Variants in PPFIA2 observed in about 807,000 individuals in gnomAD.
PPFIA2 encodes the protein PPFI scaffold protein A2.
Under a neutral mutation model 175.5 loss-of-function variants are expected in PPFIA2, and 46 were observed. The ratio of observed to expected loss-of-function variants is 0.26; its 90% CI spans 0.21 to 0.34. The LOEUF is 0.34. Among genes scored for constraint, PPFIA2 ranks in the 10% least tolerant of loss-of-function variants. PPFIA2 has a pLI of 1.00. For missense variants in PPFIA2, 1,179 were observed against 1,506.1 expected, an observed-to-expected ratio of 0.78 and a Z score of 3.60; for synonymous variants, 568 against 511.4, an observed-to-expected ratio of 1.11 and a Z score of -1.49.
chr12:81,459,111 A>G lies in PPFIA2; in HGVS notation c.304-1245T>C, dbSNP rs563989533. On this transcript the variant is annotated intron_variant, in intron 4 of 32. Transcript: ENST00000549396. ...TTCAGCCCAAGTGAGTACTTCAAAG[A>G]TCTCAGAGTAGGCTTCAGGGCTTAG... Among the ~76,000 whole-genome samples, 6 of 152,286 alleles carry G rather than the reference A, an allele frequency of 3.9e-5. No individual in the cohort carries two copies. The South Asian group carries it at 1.2e-3, about 32-fold the overall frequency.
At chr12:81,725,500 GAAGGAAACCA>G in intron 3 of PPFIA2, among the ~76,000 whole-genome samples, 1 of 150,800 alleles carries the variant, frequency 6.6e-6, no homozygotes, top group South Asian at 2.1e-4. Flanking sequence ...GAACCTATTA[GAAGGAAACCA>G]AAGAGTTCTC....
chr12:81,448,049 C>T (rs1189791294), intron 5 of PPFIA2, among the ~76,000 whole-genome samples: 2 of 151,788 alleles, frequency 1.3e-5, no homozygotes, highest in African/African-American at 4.8e-5. Context: ...ATAATATAGT[C>T]GTTCAATAAA....
intron 4 of PPFIA2, among the ~76,000 whole-genome samples, chr12:81,560,948 C>A (rs548748850): frequency 6.6e-6 from 1 of 152,172 alleles, no homozygotes; most frequent in African/African-American, 2.4e-5. Flanking sequence ...ACCTTTTATG[C>A]AAAAGACTTT....
At chr12:81,421,220 G>GT (rs1314998051) in intron 7 of PPFIA2, among the ~76,000 whole-genome samples, 1 of 152,086 alleles carries the variant, frequency 6.6e-6, no homozygotes, top group African/African-American at 2.4e-5. Flanking sequence ...ATGAAAGCAT[G>GT]TAAGAGTATA....
intron 3 of PPFIA2, among the ~76,000 whole-genome samples, chr12:81,686,463 C>T (rs1010698151): frequency 6.6e-6 from 1 of 152,052 alleles, no homozygotes; most frequent in Admixed American, 6.6e-5. Flanking sequence ...TTTTCCACTT[C>T]ATAAATTTTG....
At chr12:81,582,870 T>A (rs2074623093) in intron 4 of PPFIA2, among the ~76,000 whole-genome samples, 1 of 151,896 alleles carries the variant, frequency 6.6e-6, no homozygotes. Flanking sequence ...GTCTGTAACA[T>A]GGTACTATAA....
At chr12:81,346,073 A>G (rs899838573) in intron 18 of PPFIA2, among the ~76,000 whole-genome samples, 1 of 152,018 alleles carries the variant, frequency 6.6e-6, no homozygotes, top group African/African-American at 2.4e-5. Context: ...AAAATTCACA[A>G]TTTTTCTTTT....
At chr12:81,466,403 G>A (rs905745163) in intron 4 of PPFIA2, among the ~76,000 whole-genome samples, 1 of 152,074 alleles carries the variant, frequency 6.6e-6, no homozygotes, top group Non-Finnish European at 1.5e-5. Context: ...AGTAACTTTT[G>A]TTTTCAAAAT....
At chr12:81,311,975 G>A (rs2051020663) in intron 22 of PPFIA2, 1 of 588,650 alleles carries the variant, frequency 1.7e-6, no homozygotes, top group Admixed American at 3.0e-5. Flanking sequence ...TAATTAAAAT[G>A]TGAACATTTC....
intron 5 of PPFIA2, among the ~76,000 whole-genome samples, chr12:81,455,091 G>A (rs756195685): frequency 7.9e-5 from 12 of 152,164 alleles, no homozygotes; most frequent in Non-Finnish European, 5.9e-5. Flanking sequence ...ACACTAGCTT[G>A]TTGCTTTGTC....
intron 21 of PPFIA2, among the ~76,000 whole-genome samples, chr12:81,332,492 A>G (rs1163514158): frequency 1.3e-5 from 2 of 152,168 alleles, no homozygotes; most frequent in Non-Finnish European, 2.9e-5. Context: ...AGAATCAAAC[A>G]TATACAGGGA....
At chr12:81,609,285 A>G (rs2060650067) in intron 4 of PPFIA2, among the ~76,000 whole-genome samples, 2 of 152,074 alleles carry the variant, frequency 1.3e-5, no homozygotes, top group Admixed American at 1.3e-4. Context: ...ATAGATGTCT[A>G]CTAGGACCAA....
chr12:81,481,345 C>T (rs1237901784), intron 4 of PPFIA2, among the ~76,000 whole-genome samples: 1 of 152,086 alleles, frequency 6.6e-6, no homozygotes, highest in Non-Finnish European at 1.5e-5. Flanking sequence ...CAATGCTATT[C>T]CCATCAAACT....
At chr12:81,394,072 A>C (rs1205561126) in intron 8 of PPFIA2, among the ~76,000 whole-genome samples, 1 of 152,090 alleles carries the variant, frequency 6.6e-6, no homozygotes, top group Non-Finnish European at 1.5e-5. Flanking sequence ...AATATGCAAT[A>C]GCAGTTTTTT....
intron 21 of PPFIA2, among the ~76,000 whole-genome samples, chr12:81,334,260 C>A (rs1227256947): frequency 2.6e-5 from 4 of 152,134 alleles, no homozygotes; most frequent in Non-Finnish European, 5.9e-5. Flanking sequence ...TAAAACTTTT[C>A]TGGGCCAAAA....
chr12:81,500,588 C>T (rs2060491910), intron 4 of PPFIA2, among the ~76,000 whole-genome samples: 1 of 152,074 alleles, frequency 6.6e-6, no homozygotes, highest in Non-Finnish European at 1.5e-5. Flanking sequence ...TAGAAATAGC[C>T]CAGTTTTTAA....
In PPFIA2 at chr12:81,580,274, C is replaced by T. The variant is rs192834073; in HGVS notation, c.303+96517G>A. On this transcript the variant is annotated intron_variant, in intron 4 of 32. Transcript: ENST00000549396. ...CCCTTGAGGTTGGTATTCCTATCTG[C>T]CCCATTTTACAGATGTAAAAAGTGA... 1.7e-4 allele frequency among the ~76,000 whole-genome samples: 26 copies of T among 151,770 alleles called. 1 individual carries two copies. Among genetic ancestry groups the T allele is most frequent in the African/African-American group, 6.3e-4 (26 of 41,452 alleles).
intron 4 of PPFIA2, among the ~76,000 whole-genome samples, chr12:81,672,312 A>T (rs1241875962): frequency 6.6e-6 from 1 of 152,016 alleles, no homozygotes; most frequent in Admixed American, 6.6e-5. Context: ...AGTTTTGTAG[A>T]TTTTTAAACT....
intron 6 of PPFIA2, among the ~76,000 whole-genome samples, chr12:81,440,251 T>C (rs1167166617): frequency 6.6e-6 from 1 of 152,186 alleles, no homozygotes; most frequent in Non-Finnish European, 1.5e-5. Flanking sequence ...GGGATTTCCT[T>C]GTAAGCAAAT....
Sources: gnomAD v4.1 joint callset for allele counts (sites outside exome capture counted in the v4.1 genomes callset) on GRCh38, gnomAD v4.1.1 for gene constraint, MANE v1.5 for transcripts, NCBI Gene and HGNC (gene_info 2026-07-23, HGNC 2026-07-21) for gene names.